The following IGSF9B variants were observed in gnomAD, a reference collection of about 807,000 sequenced individuals.
The protein encoded by IGSF9B is protein turtle homolog B.
A neutral mutation model predicts 143.7 loss-of-function variants in IGSF9B; 48 were observed. The ratio of observed to expected loss-of-function variants is 0.33; its 90% confidence interval spans 0.26 to 0.42. IGSF9B has a LOEUF of 0.42. Ranked by LOEUF, IGSF9B falls within the 20% of genes least tolerant of loss-of-function variation. The pLI is 1.00. For synonymous variants in IGSF9B, 903 were observed against 833.1 expected (o/e 1.08, Z -1.44); for missense variants, 1,706 against 1,980.0 (o/e 0.86, Z 2.63).
chr11:133,952,593 CATGT>C (rs1940180482), intron 1 of IGSF9B, among the ~76,000 whole-genome samples: 1 of 152,198 alleles, frequency 6.6e-6, no homozygotes, highest in Non-Finnish European at 1.5e-5. Context: ...ACAGATTTCA[CATGT>C]ATGTGCACAC....
intron 2 of IGSF9B, among the ~76,000 whole-genome samples, chr11:133,944,779 G>A (rs144181441): frequency 7.2e-4 from 110 of 152,302 alleles, no homozygotes; most frequent in South Asian, 5.8e-3. Context: ...CAGCGCACCC[G>A]GGAGCACCTC....
In IGSF9B at chr11:133,920,701, GC is replaced by G; in HGVS notation, c.3023del (p.Gly1008AlafsTer20). On this transcript the variant is annotated frameshift_variant, in exon 18 of 20. Coordinates refer to ENST00000533871, the MANE Select transcript of IGSF9B (RefSeq NM_001277285.4). LOFTEE classifies it high-confidence loss of function. ...CATTCTCCTCGGGGATGGTGGGGTG[GC>G]CAAAGGGCCCCTCGGTGGGCAGGGG... ...SPPLPTEGPF[G>X]HPTIPEENGE... 1 of 1,613,368 alleles carries G rather than the reference GC, an allele frequency of 6.2e-7. No individual in the cohort carries two copies. Among genetic ancestry groups the G allele is most frequent in the Non-Finnish European group, 8.5e-7 (1 of 1,179,704 alleles).
In IGSF9B at chr11:133,899,809, G is replaced by A. The variant is rs1001918162; in HGVS notation, c.*9260C>T. 1 of 152,224 alleles carries A rather than the reference G, an allele frequency of 6.6e-6. No homozygotes were observed. The highest frequency in any genetic ancestry group is 2.4e-5 in the African/African-American group (1 of 41,448). 9.4% of individuals were successfully genotyped at this position (152,224 alleles called of 1,614,324 possible). A position where few individuals can be genotyped will look rare whatever the true frequency, so the allele number is the denominator to read the frequency against. ...GTCTGGGAAGGCTTCAAGGTAGGAAGGGAACAGAATTTGCACCTCTTCTTC... is the reference window on the plus strand; with the variant it reads ...GTCTGGGAAGGCTTCAAGGTAGGAAAGGAACAGAATTTGCACCTCTTCTTC... On this transcript the variant is annotated 3_prime_UTR_variant, in exon 20 of 20. Coordinates refer to ENST00000533871, the MANE Select transcript of IGSF9B (RefSeq NM_001277285.4).
rs1465284078 is a variant in IGSF9B at position 133,925,808 on chromosome 11, C to T, written c.1965G>A (p.Glu655=). 1 of 1,613,924 alleles carries T rather than the reference C, an allele frequency of 6.2e-7. No homozygotes were observed. Among genetic ancestry groups the T allele is most frequent in the Non-Finnish European group, 8.5e-7 (1 of 1,179,892 alleles). ...TGCCATCGTCGAGCAACTCCCAGCG[C>T]TCTGCGACACGGAACTCCATGATGT... ...DRYIMEFRVA[E]RWELLDDGIP... Residue 655 remains glutamate, a synonymous_variant, in exon 14 of 20, where the codon GAG becomes GAA. Coordinates refer to ENST00000533871, the MANE Select transcript of IGSF9B (RefSeq NM_001277285.4).
In IGSF9B at chr11:133,920,000, G is replaced by T. The variant is rs376944502; in HGVS notation, c.3725C>A (p.Pro1242Gln). Reference sequence around the variant, plus strand: ...CTTTCGAGAAAAGCTGACTGCAGCCGGCGGCTGCAGGGTGATCTCTGACAT... The same window carrying T: ...CTTTCGAGAAAAGCTGACTGCAGCCTGCGGCTGCAGGGTGATCTCTGACAT... ...AEMSEITLQP[P>Q]AAVSFSRKST... Residue 1242 changes from proline (P) to glutamine (Q), a missense_variant, in exon 18 of 20, where the codon CCG becomes CAG. Coordinates refer to ENST00000533871, the MANE Select transcript of IGSF9B (RefSeq NM_001277285.4). 7.3e-5 allele frequency: 116 copies of T among 1,582,056 alleles called. No homozygotes were observed. The highest frequency in any genetic ancestry group is 1.7e-4 in the Middle Eastern group (1 of 5,818).
rs329675 is a variant in IGSF9B, at chr11:133,908,207, C to T, written c.*862G>A. 0.29 allele frequency among the ~76,000 whole-genome samples: 44,802 copies of T among 152,156 alleles called. 7,431 individuals are homozygous for T. The highest frequency in any genetic ancestry group is 0.47 in the Middle Eastern group (137 of 294). On this transcript the variant is annotated 3_prime_UTR_variant, in exon 20 of 20. Coordinates refer to ENST00000533871, the MANE Select transcript of IGSF9B (RefSeq NM_001277285.4). Reference sequence around the variant, plus strand: ...CCCCGCGGCTGAGTTAGCCTCTACTCCTGCAGCGTGAGCCACGCTGGAAGG... The same window carrying T: ...CCCCGCGGCTGAGTTAGCCTCTACTTCTGCAGCGTGAGCCACGCTGGAAGG...
chr11:133,909,415 C>T lies in IGSF9B; in HGVS notation c.4106-138G>A. The T allele has an allele frequency of 1.4e-6, 1 of 718,288 alleles. No individual in the cohort carries two copies. Among genetic ancestry groups the T allele is most frequent in the Non-Finnish European group, 2.3e-6 (1 of 435,520 alleles). 44.5% of individuals were successfully genotyped at this position (718,288 alleles called of 1,614,324 possible). On this transcript the variant is annotated intron_variant, in intron 19 of 19. Coordinates refer to ENST00000533871, the MANE Select transcript of IGSF9B (RefSeq NM_001277285.4). This position sits in a 1 kb window ranked among gnomAD's most constrained non-coding sequence, Gnocchi z 4.2. ...AGGAATCACCTGAGTCTAGAGAGAC[C>T]AGACCGAATTGCTGCAGAGAAACCA...
At position 133,939,839 on chromosome 11, in the gene IGSF9B, G is replaced by A. The variant is rs536216645; in HGVS notation, c.410-1878C>T. Among the ~76,000 whole-genome samples, 9 of 150,404 alleles carry A rather than the reference G, an allele frequency of 6.0e-5. No homozygotes were observed. The East Asian group carries it at 8.1e-4, about 13-fold the overall frequency. On this transcript the variant is annotated intron_variant, in intron 3 of 19. Coordinates refer to ENST00000533871, the MANE Select transcript of IGSF9B (RefSeq NM_001277285.4). Reference sequence around the variant, plus strand: ...ACATACACCTTGCATGTCCTCGCACGCGTCATCACACGCACAAACACACAC... The same window carrying A: ...ACATACACCTTGCATGTCCTCGCACACGTCATCACACGCACAAACACACAC...
Position 133,945,845 on chromosome 11 carries a change from G to A in IGSF9B, c.262+216C>T, listed in dbSNP as rs767795246. Reference sequence around the variant, plus strand: ...TCCCAGCCCTCTCCACAGCCCAGGCGGTGCTGTTCAGAAGGCTTTACCCTG... The same window carrying A: ...TCCCAGCCCTCTCCACAGCCCAGGCAGTGCTGTTCAGAAGGCTTTACCCTG... On this transcript the variant is annotated intron_variant, in intron 2 of 19. Coordinates refer to ENST00000533871, the MANE Select transcript of IGSF9B (RefSeq NM_001277285.4). This position sits in a 1 kb window ranked among gnomAD's most constrained non-coding sequence, Gnocchi z 4.6. 2.0e-5 allele frequency among the ~76,000 whole-genome samples: 3 copies of A among 151,950 alleles called. No individual in the cohort carries two copies. Among genetic ancestry groups the A allele is most frequent in the East Asian group, 1.9e-4 (1 of 5,144 alleles).
chr11:133,926,908 GC>G lies in IGSF9B; in HGVS notation c.1807+7del, dbSNP rs780919148. 1.3e-6 allele frequency: 2 copies of G among 1,570,748 alleles called. No individual in the cohort carries two copies. Among genetic ancestry groups the G allele is most frequent in the Non-Finnish European group, 1.7e-6 (2 of 1,153,658 alleles). ...CCCCGCTCCCAACATCCCACCCCGG[GC>G]CCTCACCTAAAGTGTTCACAGTGAC... On this transcript the variant is annotated splice_region_variant and intron_variant, in intron 13 of 19. Transcript: ENST00000533871.
chr11:133,936,281 G>A lies in IGSF9B; in HGVS notation c.680-87C>T, dbSNP rs1222821967. 3 of 1,276,834 alleles carry A rather than the reference G, an allele frequency of 2.3e-6. No homozygotes were observed. The South Asian group carries it at 3.9e-5, about 17-fold the overall frequency. The allele number at this position is 1,276,834 out of a possible 1,614,324, so 79.1% of individuals were successfully genotyped here. On this transcript the variant is annotated intron_variant, in intron 5 of 19. Transcript: ENST00000533871. ...CTCCTGGGAGCCCTCAGTGCCTCAG[G>A]AAGCGGTGCCCTGAACACTGCGATG...
In IGSF9B at chr11:133,905,513, T is replaced by G. The variant is rs1489062607; in HGVS notation, c.*3556A>C. Reference sequence around the variant, plus strand: ...ATTAAATCAGTTCAACCCCAAATATTTTAGATCACAAATCAAAAATAAAGA... The same window carrying G: ...ATTAAATCAGTTCAACCCCAAATATGTTAGATCACAAATCAAAAATAAAGA... On this transcript the variant is annotated 3_prime_UTR_variant, in exon 20 of 20. Transcript: ENST00000533871. The surrounding 1 kb of genome is among the most constrained non-coding windows in gnomAD (Gnocchi z 4.0). Among the ~76,000 whole-genome samples the G allele has an allele frequency of 1.3e-5, 2 of 152,112 alleles. No individual in the cohort carries two copies. Among genetic ancestry groups the G allele is most frequent in the African/African-American group, 4.8e-5 (2 of 41,414 alleles).
intron 18 of IGSF9B, chr11:133,918,930 AGAAG>A (rs1939448978): frequency 2.2e-6 from 1 of 452,390 alleles, no homozygotes; most frequent in East Asian, 7.2e-5. Context: ...GACTGACTGG[AGAAG>A]GAAGGAGGGG....
chr11:133,926,080 C>T (rs546393180), intron 13 of IGSF9B, 115 bp from the exon 14 acceptor site: 115 of 742,700 alleles, frequency 1.5e-4, no homozygotes, highest in African/African-American at 1.4e-3. Context: ...AGTCAGGGCC[C>T]GGGGCCCAGG....
chr11:133,931,837 A>C lies in IGSF9B; in HGVS notation c.1111-42T>G. ...ATAGGGCAGGGAACGCTGGTCAGAGACTCCGCGCTCCATCCCAGGCTGGGT... is the reference window on the plus strand; with the variant it reads ...ATAGGGCAGGGAACGCTGGTCAGAGCCTCCGCGCTCCATCCCAGGCTGGGT... On this transcript the variant is annotated intron_variant, in intron 8 of 19. Coordinates refer to ENST00000533871, the MANE Select transcript of IGSF9B (RefSeq NM_001277285.4). This position sits in a 1 kb window ranked among gnomAD's most constrained non-coding sequence, Gnocchi z 7.7. 6.2e-7 allele frequency: 1 copy of C among 1,603,004 alleles called. No homozygotes were observed. Among genetic ancestry groups the C allele is most frequent in the Non-Finnish European group, 8.5e-7 (1 of 1,176,322 alleles).
At chr11:133,937,536 C>T (rs1478771818) in intron 4 of IGSF9B, 43 bp from the exon 5 acceptor site, 4 of 1,459,950 alleles carry the variant, frequency 2.7e-6, no homozygotes, top group Admixed American at 1.7e-5. Flanking sequence ...CACGCTCACA[C>T]CCACCGCTGC....
intron 1 of IGSF9B, among the ~76,000 whole-genome samples, chr11:133,951,237 C>T (rs115002583): frequency 6.6e-6 from 1 of 152,172 alleles, no homozygotes; most frequent in Non-Finnish European, 1.5e-5. Context: ...GGAAGGCAGA[C>T]GGGTACGGGT....
rs1393387385 is a variant in IGSF9B at position 133,937,470 on chromosome 11, C to T, written c.585G>A (p.Val195=). The change falls in exon 5 of 20, where the codon GTG becomes GTA. Residue 195 remains valine (V), a synonymous_variant. Transcript: ENST00000533871. ...CTCTGTCCTCCCGACTGACCGATGT[C>T]ACTGTCAGGCTGCCGTCACTCACCT... The part of the protein sequence containing the change: ...KYQVSDGSLT[V]TSVSREDRGA... The T allele has an allele frequency of 3.1e-6, 5 of 1,613,646 alleles. No homozygotes were observed. The Admixed American group carries it at 8.3e-5, about 27-fold the overall frequency.
At chr11:133,935,558 G>A (rs1437768928) in intron 7 of IGSF9B, 59 bp downstream of exon 7, 6 of 1,546,088 alleles carry the variant, frequency 3.9e-6, no homozygotes, top group Non-Finnish European at 5.2e-6. Flanking sequence ...CTACAGTCTG[G>A]CTAACACCAA....
Sources: gnomAD v4.1 joint callset for allele counts (sites outside exome capture counted in the v4.1 genomes callset) on GRCh38, gnomAD v4.1.1 for gene constraint, Gnocchi (gnomAD v3.1) non-coding constraint, MANE v1.5 for transcripts, NCBI Gene and HGNC (gene_info 2026-07-23, HGNC 2026-07-21) for gene names.